SBNO2: variants seen among roughly 807,000 people sequenced by gnomAD.
SBNO2 encodes strawberry notch homolog 2, also known as protein strawberry notch homolog 2.
A neutral mutation model predicts 146.3 loss-of-function variants in SBNO2; 89 were observed. That is an observed-to-expected ratio of 0.61 (90% CI 0.51 to 0.73). SBNO2 has a LOEUF of 0.73. Ranked by LOEUF, SBNO2 falls within the 30% of genes least tolerant of loss-of-function variation. SBNO2 has a pLI of 0.00. For missense variants in SBNO2, 2,092 were observed against 2,003.7 expected (o/e 1.04, Z -0.84); for synonymous variants, 1,147 against 892.6 (o/e 1.29, Z -5.08).
intron 11 of SBNO2, among the ~76,000 whole-genome samples, chr19:1,120,743 A>T (rs2079891613): frequency 1.3e-5 from 2 of 152,198 alleles, no homozygotes; most frequent in South Asian, 4.1e-4. Context: ...ATCTCAGCTC[A>T]CTGCAACCTC....
In SBNO2 at chr19:1,140,692, G is replaced by A. The variant is rs537483856; in HGVS notation, c.279+6617C>T. Among the ~76,000 whole-genome samples, 1 of 152,332 alleles carries A rather than the reference G, an allele frequency of 6.6e-6. No individual in the cohort carries two copies. The highest frequency in any genetic ancestry group is 2.1e-4 in the South Asian group (1 of 4,832). ...CAGCCGTCAGCAGGAGAAGGCACACGGAAAACAGACGGACGCAGCAGGGAT... is the reference window on the plus strand; with the variant it reads ...CAGCCGTCAGCAGGAGAAGGCACACAGAAAACAGACGGACGCAGCAGGGAT... On this transcript the variant is annotated intron_variant, in intron 4 of 31. Coordinates refer to ENST00000361757, the MANE Select transcript of SBNO2 (RefSeq NM_014963.3). This position sits in a 1 kb window ranked among gnomAD's most constrained non-coding sequence, Gnocchi z 4.4.
chr19:1,170,188 G>T (rs1342017009), intron 1 of SBNO2, among the ~76,000 whole-genome samples: 4 of 152,216 alleles, frequency 2.6e-5, no homozygotes, highest in Non-Finnish European at 4.4e-5. Context: ...CAGGGCGAGA[G>T]CTGATGGGGC....
chr19:1,119,212 T>C (rs756963443), intron 13 of SBNO2, 48 bp from the exon 14 acceptor site: 1 of 1,556,480 alleles, frequency 6.4e-7, no homozygotes, highest in East Asian at 2.4e-5. Flanking sequence ...CCCGTGGGGA[T>C]GGAGCCACTC....
chr19:1,147,033 G>A (rs930748511), intron 4 of SBNO2, among the ~76,000 whole-genome samples: 5 of 152,122 alleles, frequency 3.3e-5, no homozygotes, highest in South Asian at 2.1e-4. Context: ...CGCCCTCCCC[G>A]CAACTCCCTC....
rs780938606 is a variant in SBNO2 at position 1,147,395 on chromosome 19, G to T, written c.193C>A (p.Leu65Ile). ...GTGTCTGGGCAGGGCTGGCTGCCGA[G>T]GAAGGAGGCGGAGCTCATGAACGGG... ...SRPFMSSASF[L>I]GSQPCPDTSY... The change falls in exon 4 of 32, where the codon CTC becomes ATC. Residue 65 changes from leucine (L) to isoleucine (I), a missense_variant. Transcript: ENST00000361757. 6.6e-7 allele frequency: 1 copy of T among 1,523,246 alleles called. No homozygotes were observed. Among genetic ancestry groups the T allele is most frequent in the South Asian group, 1.3e-5 (1 of 78,532 alleles). The allele number at this position is 1,523,246 out of a possible 1,614,324, so 94.4% of individuals were successfully genotyped here. A position where few individuals can be genotyped will look rare whatever the true frequency, so the allele number is the denominator to read the frequency against.
At chr19:1,161,904 C>T (rs1354529995) in intron 1 of SBNO2, among the ~76,000 whole-genome samples, 3 of 1,856 alleles carry the variant, frequency 1.6e-3, no homozygotes, top group Admixed American at 6.7e-3. Flanking sequence ...CCTGGGGAGC[C>T]GCGGGGGGGG....
intron 23 of SBNO2, 148 bp downstream of exon 23, chr19:1,111,848 C>G (rs1431842806): frequency 1.5e-5 from 13 of 860,728 alleles, no homozygotes; most frequent in Admixed American, 1.3e-4. Flanking sequence ...CCCCTTCCCC[C>G]CTGGGGGTCC....
chr19:1,118,184 A>G (rs902738724), intron 14 of SBNO2, among the ~76,000 whole-genome samples: 3 of 152,136 alleles, frequency 2.0e-5, no homozygotes, highest in Admixed American at 2.0e-4. Context: ...TACCAAAAAT[A>G]TAAAATTGGC....
rs188445949 is a variant in SBNO2, at chr19:1,139,111, G to C, written c.279+8198C>G. ...AGTGGGTCCTGCATGCGTCCATCAT[G>C]GACAAACAAGGTGGGGCCCCTTCAT... is the stretch of plus-strand genomic sequence containing the variant. On this transcript the variant is annotated intron_variant, in intron 4 of 31. Coordinates refer to ENST00000361757, the MANE Select transcript of SBNO2 (RefSeq NM_014963.3). 2.6e-4 allele frequency among the ~76,000 whole-genome samples: 40 copies of C among 152,340 alleles called. No homozygotes were observed. In the East Asian group the frequency reaches 7.3e-3, roughly 28 times the overall value.
chr19:1,111,967 G>GC, intron 23 of SBNO2, 29 bp downstream of exon 23: 2 of 633,854 alleles, frequency 3.2e-6, no homozygotes, highest in South Asian at 2.0e-5. Context: ...CCCCTGCCCC[G>GC]CCCCCCAACC....
chr19:1,108,530 G>T lies in SBNO2; in HGVS notation c.3791C>A (p.Pro1264Gln), dbSNP rs887590149. The T allele has an allele frequency of 1.6e-6, 2 of 1,219,436 alleles. No individual in the cohort carries two copies. Among genetic ancestry groups the T allele is most frequent in the Non-Finnish European group, 2.0e-6 (2 of 977,830 alleles). The allele number at this position is 1,219,436 out of a possible 1,614,324, so 75.5% of individuals were successfully genotyped here. A position where few individuals can be genotyped will look rare whatever the true frequency, so the allele number is the denominator to read the frequency against. ...CGGGGGCGGCGGGAAGGCCTCGGCC[G>T]GGGGGCTGTAGGTGAGGTCCAGCAC... ...GEVLDLTYSP[P>Q]AEAFPPPPHF... The change falls in exon 32 of 32, where the codon CCG becomes CAG. Residue 1264 changes from proline to glutamine, a missense_variant. Coordinates refer to ENST00000361757, the MANE Select transcript of SBNO2 (RefSeq NM_014963.3).
In SBNO2 at chr19:1,109,081, C is replaced by A; in HGVS notation, c.3425+54G>T. ...CAGGGTCTCGGGAGCCCCCGATCCC[C>A]GCCTGGGTCGCCGCCATCTGCCGGT... is the stretch of plus-strand genomic sequence containing the variant. On this transcript the variant is annotated intron_variant, in intron 30 of 31. Transcript: ENST00000361757. This position sits in a 1 kb window ranked among gnomAD's most constrained non-coding sequence, Gnocchi z 4.2. 6.5e-7 allele frequency: 1 copy of A among 1,538,558 alleles called. No homozygotes were observed. Among genetic ancestry groups the A allele is most frequent in the South Asian group, 1.2e-5 (1 of 83,390 alleles).
In SBNO2 at chr19:1,110,591, T is replaced by C; in HGVS notation, c.3028+154A>G. The C allele has an allele frequency of 1.2e-6, 1 of 821,950 alleles. No individual in the cohort carries two copies. The highest frequency in any genetic ancestry group is 1.7e-6 in the Non-Finnish European group (1 of 595,414). The allele number at this position is 821,950 out of a possible 1,614,324, so 50.9% of individuals were successfully genotyped here. ...GATGCCCGGCGTTCCCACGAGCCCC[T>C]CGCCCACCCGGGATGCACGGTGTTC... On this transcript the variant is annotated intron_variant, in intron 26 of 31. Coordinates refer to ENST00000361757, the MANE Select transcript of SBNO2 (RefSeq NM_014963.3). This position sits in a 1 kb window ranked among gnomAD's most constrained non-coding sequence, Gnocchi z 4.9.
intron 5 of SBNO2, among the ~76,000 whole-genome samples, chr19:1,127,326 C>T (rs942977598): frequency 5.3e-5 from 8 of 152,186 alleles, no homozygotes; most frequent in East Asian, 1.9e-4. Context: ...CACTGCAGGG[C>T]GCTGGGCAGC....
chr19:1,129,813 C>T (rs1233211674), intron 4 of SBNO2, among the ~76,000 whole-genome samples: 1 of 152,180 alleles, frequency 6.6e-6, no homozygotes, highest in Non-Finnish European at 1.5e-5. Context: ...GGAGAGCTCC[C>T]CAAACCCAAA....
At chr19:1,122,606 C>CCCCGA in intron 9 of SBNO2, 48 bp from the exon 10 acceptor site, 2 of 1,460,404 alleles carry the variant, frequency 1.4e-6, no homozygotes, top group Non-Finnish European at 1.8e-6. Flanking sequence ...CCTCGCCCCC[C>CCCCGA]GCTTCCGCCC....
chr19:1,130,443 A>G (rs985498601), intron 4 of SBNO2, among the ~76,000 whole-genome samples: 1 of 151,742 alleles, frequency 6.6e-6, no homozygotes, highest in Admixed American at 6.6e-5. Context: ...AGTGAGCTAT[A>G]ATTGCGCCAC....
At chr19:1,111,655 A>C in intron 23 of SBNO2, 41 bp from the exon 24 acceptor site, 1 of 1,473,454 alleles carries the variant, frequency 6.8e-7, no homozygotes, top group Non-Finnish European at 9.3e-7. Context: ...CCCAGGGAGG[A>C]GGCTGGCTTT....
rs1486526513 is a variant in SBNO2, at chr19:1,142,136, A to G, written c.279+5173T>C. The stretch of plus-strand genomic sequence containing the variant: ...CCTCATGATCAACCCTCCCTCAATG[A>G]CCTCCCTCCCCACGATCAATCCTCA... On this transcript the variant is annotated intron_variant, in intron 4 of 31. Transcript: ENST00000361757. Among the ~76,000 whole-genome samples the G allele has an allele frequency of 7.8e-4, 72 of 91,892 alleles. 1 individual carries two copies. Among genetic ancestry groups the G allele is most frequent in the African/African-American group, 1.3e-3 (27 of 21,584 alleles). The allele number at this position is 91,892 out of a possible 152,430, so 60.3% of individuals were successfully genotyped here.
Sources: gnomAD v4.1 joint callset for allele counts (sites outside exome capture counted in the v4.1 genomes callset) on GRCh38, gnomAD v4.1.1 for gene constraint, Gnocchi (gnomAD v3.1) non-coding constraint, MANE v1.5 for transcripts, NCBI Gene and HGNC (gene_info 2026-07-23, HGNC 2026-07-21) for gene names.